The following MRS2 variants were observed in gnomAD, a reference collection of about 807,000 sequenced individuals.
The protein encoded by MRS2 is magnesium transporter MRS2.
In MRS2, 40 loss-of-function variants were observed where a neutral mutation model predicts 52.6. The ratio of observed to expected loss-of-function variants is 0.76; its 90% CI spans 0.59 to 0.99. The LOEUF is 0.99. Ranked by LOEUF, MRS2 falls within the 50% of genes least tolerant of loss-of-function variation. The probability of loss-of-function intolerance (pLI) is 0.00; values close to 1 mark genes in which losing one functional copy is unlikely to be tolerated. For missense variants in MRS2, 472 were observed against 532.7 expected, an observed-to-expected ratio of 0.89 and a Z score of 1.12; for synonymous variants, 193 against 195.9, an observed-to-expected ratio of 0.98 and a Z score of 0.13.
intron 7 of MRS2, among the ~76,000 whole-genome samples, chr6:24,417,824 C>T (rs1166025033): frequency 5.3e-5 from 8 of 152,080 alleles, no homozygotes; most frequent in Admixed American, 5.2e-4. Flanking sequence ...CACCTGTAGT[C>T]CCAGCTACTG....
At chr6:24,405,304 T>C (rs1761427537) in intron 2 of MRS2, 63 bp downstream of exon 2, 5 of 1,193,824 alleles carry the variant, frequency 4.2e-6, no homozygotes, top group Non-Finnish European at 6.2e-6. Flanking sequence ...AGTTAACTCG[T>C]TGGACTGTTG....
At chr6:24,404,495 CAG>C (rs1457294725) in intron 1 of MRS2, among the ~76,000 whole-genome samples, 2 of 152,050 alleles carry the variant, frequency 1.3e-5, no homozygotes, top group African/African-American at 4.8e-5. Flanking sequence ...TCTCTGGAAT[CAG>C]TGTAATTACT....
rs749138247 is a variant in MRS2, at chr6:24,409,597, T to C, written c.414+24T>C. The C allele has an allele frequency of 2.4e-5, 34 of 1,389,162 alleles. No homozygotes were observed. The South Asian group carries it at 3.8e-4, about 16-fold the overall frequency. 86.1% of individuals were successfully genotyped at this position (1,389,162 alleles called of 1,614,324 possible). Reference sequence around the variant, plus strand: ...AGGTAAAATATTTTATTTTCATCTATGTTTCTCCAATACAATCTTATAAAA... The same window carrying C: ...AGGTAAAATATTTTATTTTCATCTACGTTTCTCCAATACAATCTTATAAAA... On this transcript the variant is annotated intron_variant, in intron 4 of 10. Coordinates refer to ENST00000378386, the MANE Select transcript of MRS2 (RefSeq NM_020662.4).
intron 1 of MRS2, among the ~76,000 whole-genome samples, chr6:24,403,984 G>T (rs967140402): frequency 1.3e-5 from 2 of 152,194 alleles, no homozygotes; most frequent in Non-Finnish European, 2.9e-5. Context: ...TTCACCAAAT[G>T]TTGAAGCATG....
At chr6:24,421,697 G>A (rs746676283) in intron 9 of MRS2, among the ~76,000 whole-genome samples, 3 of 152,060 alleles carry the variant, frequency 2.0e-5, no homozygotes, top group Non-Finnish European at 2.9e-5. Flanking sequence ...GTCTTAATAC[G>A]TATTTCCTAA....
At position 24,424,457 on chromosome 6, in the gene MRS2, A is replaced by G. The variant is rs991370348; in HGVS notation, c.*763A>G. The G allele has an allele frequency of 7.1e-6, 1 of 140,886 alleles. No individual in the cohort carries two copies. The highest frequency in any genetic ancestry group is 2.3e-4 in the South Asian group (1 of 4,258). The allele number at this position is 140,886 out of a possible 1,614,324, so 8.7% of individuals were successfully genotyped here. A position where few individuals can be genotyped will look rare whatever the true frequency, so the allele number is the denominator to read the frequency against. ...GATACCACCCCTGCCCTGCCCCAAA[A>G]AGAAAAATGTTTATTGTCCTGCTAA... On this transcript the variant is annotated 3_prime_UTR_variant, in exon 11 of 11. Coordinates refer to ENST00000378386, the MANE Select transcript of MRS2 (RefSeq NM_020662.4).
intron 7 of MRS2, 40 bp downstream of exon 7, chr6:24,416,553 G>A (rs1456115196): frequency 9.3e-7 from 1 of 1,071,012 alleles, no homozygotes; most frequent in Non-Finnish European, 1.4e-6. Context: ...TTTCCTTAGA[G>A]TAAATCTTTT....
intron 9 of MRS2, among the ~76,000 whole-genome samples, chr6:24,420,588 A>T (rs772901595): frequency 3.3e-5 from 5 of 152,198 alleles, no homozygotes; most frequent in Non-Finnish European, 7.3e-5. Flanking sequence ...TTCATAAACA[A>T]ACAAAGTATG....
chr6:24,422,044 G>A (rs1281361103), intron 9 of MRS2, among the ~76,000 whole-genome samples: 1 of 117,756 alleles, frequency 8.5e-6, no homozygotes, highest in Non-Finnish European at 2.1e-5. Flanking sequence ...AGCTACTCAG[G>A]GGGGCCGAGG....
rs1188700338 is a variant in MRS2, at chr6:24,403,016, C to G, written c.-31C>G. 2 of 1,552,202 alleles carry G rather than the reference C, an allele frequency of 1.3e-6. No homozygotes were observed. The highest frequency in any genetic ancestry group is 1.7e-6 in the Non-Finnish European group (2 of 1,151,458). Reference sequence around the variant, plus strand: ...AGCGTCCGGCATGAAGGTCTGGGGTCTGGCTGCTGCCTGCTTCTTGCTCCA... The same window carrying G: ...AGCGTCCGGCATGAAGGTCTGGGGTGTGGCTGCTGCCTGCTTCTTGCTCCA... On this transcript the variant is annotated 5_prime_UTR_variant, in exon 1 of 11. Transcript: ENST00000378386.
intron 5 of MRS2, among the ~76,000 whole-genome samples, chr6:24,412,692 G>A (rs1489487265): frequency 6.6e-6 from 1 of 152,114 alleles, no homozygotes; most frequent in African/African-American, 2.4e-5. Flanking sequence ...CTTTGTTTGA[G>A]CCAGGTAAAT....
rs1230151178 is a variant in MRS2 at position 24,412,301 on chromosome 6, G to A, written c.494G>A (p.Arg165Gln). ...TTAAACTTAGAGCAATGGCTGTTCC[G>A]GGAACTCCCTTCACAGTTGTCTGGA... is the stretch of plus-strand genomic sequence containing the variant. ...RNLNLEQWLF[R>Q]ELPSQLSGEG... The change falls in exon 5 of 11, where the codon CGG becomes CAG. Residue 165 changes from arginine (R) to glutamine (Q), a missense_variant. Transcript: ENST00000378386. 5.0e-6 allele frequency: 8 copies of A among 1,603,454 alleles called. No homozygotes were observed. The highest frequency in any genetic ancestry group is 1.7e-4 in the Middle Eastern group (1 of 6,056).
At chr6:24,406,183 G>A (rs1313570391) in intron 2 of MRS2, among the ~76,000 whole-genome samples, 1 of 151,238 alleles carries the variant, frequency 6.6e-6, no homozygotes, top group Non-Finnish European at 1.5e-5. Context: ...TTATTGACTA[G>A]GTGGCCTTGG....
At chr6:24,404,455 A>G (rs777375959) in intron 1 of MRS2, among the ~76,000 whole-genome samples, 4 of 152,238 alleles carry the variant, frequency 2.6e-5, no homozygotes, top group Non-Finnish European at 5.9e-5. Context: ...TAGTAGAAAA[A>G]AGATCAGAAA....
intron 4 of MRS2, chr6:24,410,655 T>C (rs1761618254): frequency 9.8e-6 from 12 of 1,228,300 alleles, no homozygotes; most frequent in Non-Finnish European, 1.3e-5. Flanking sequence ...ATCCCATCTC[T>C]AAAAATAAAT....
Position 24,415,154 on chromosome 6 carries a change from A to G in MRS2, c.710A>G (p.Asn237Ser). Reference protein sequence around the residue: ...DRSKLHILLQNGKSLSELETD... With the variant: ...DRSKLHILLQSGKSLSELETD... ...AGCAAACTGCACATTTTACTACAGA[A>G]TGGCAAAAGGTAAATATGGATGATG... Residue 237 changes from asparagine (N) to serine (S), a missense_variant, in exon 6 of 11, where the codon AAT becomes AGT. Coordinates refer to ENST00000378386, the MANE Select transcript of MRS2 (RefSeq NM_020662.4). 1 of 1,590,670 alleles carries G rather than the reference A, an allele frequency of 6.3e-7. No individual in the cohort carries two copies. Among genetic ancestry groups the G allele is most frequent in the Non-Finnish European group, 8.6e-7 (1 of 1,162,292 alleles).
At chr6:24,423,187 T>C in intron 10 of MRS2, 137 bp downstream of exon 10, 1 of 651,452 alleles carries the variant, frequency 1.5e-6, no homozygotes, top group Non-Finnish European at 2.7e-6. Flanking sequence ...TCAGTTTCCC[T>C]ATCTGTCAGT....
rs1166111610 is a variant in MRS2 at position 24,423,009 on chromosome 6, T to G, written c.1180T>G (p.Ser394Ala). The G allele has an allele frequency of 1.2e-6, 2 of 1,614,032 alleles. No individual in the cohort carries two copies. Among genetic ancestry groups the G allele is most frequent in the Non-Finnish European group, 1.7e-6 (2 of 1,180,024 alleles). ...TGGCCTCATCTGGAGGCGCCTGCTT[T>G]CATTCCTTGGACGACAGCTAGAAGC... Reference protein sequence around the residue: ...GSGLIWRRLLSFLGRQLEAPL... With the variant: ...GSGLIWRRLLAFLGRQLEAPL... Residue 394 changes from serine (S) to alanine (A), a missense_variant, in exon 10 of 11, where the codon TCA becomes GCA. By Grantham distance (99) the Ser-to-Ala change is moderately conservative. Transcript: ENST00000378386.
At chr6:24,412,833 T>A (rs1008021361) in intron 5 of MRS2, among the ~76,000 whole-genome samples, 1 of 152,122 alleles carries the variant, frequency 6.6e-6, no homozygotes, top group African/African-American at 2.4e-5. Context: ...GTTCTCTGCT[T>A]CCCTGACCCC....
Sources: allele counts gnomAD v4.1 joint callset (sites outside exome capture counted in the v4.1 genomes callset), GRCh38; gene constraint gnomAD v4.1.1; transcripts MANE v1.5; gene names NCBI Gene and HGNC (gene_info 2026-07-23, HGNC 2026-07-21).